The following CUL2 variants were observed in gnomAD, a reference collection of about 807,000 sequenced individuals.
CUL2 encodes the protein cullin-2.
CUL2 carries 22 observed loss-of-function variants against 110.2 expected under a neutral mutation model. The ratio of observed to expected loss-of-function variants is 0.20; its 90% CI spans 0.14 to 0.28. CUL2 has a LOEUF of 0.28. Ranked by LOEUF, CUL2 falls within the 10% of genes least tolerant of loss-of-function variation. CUL2 has a pLI of 1.00. For missense variants in CUL2, 631 were observed against 905.5 expected (o/e 0.70, Z 3.89); for synonymous variants, 279 against 293.2 (o/e 0.95, Z 0.49).
chr10:35,090,755 A>G (rs546472439), upstream of CUL2: 12 of 152,420 alleles, frequency 7.9e-5, no homozygotes, highest in Admixed American at 6.5e-4. Flanking sequence ...CAATGAGGCA[A>G]TTGCGGTTCG....
At chr10:35,115,147 A>G (rs2087578282) in intron 1 of CUL2, among the ~76,000 whole-genome samples, 1 of 149,512 alleles carries the variant, frequency 6.7e-6, no homozygotes, top group Non-Finnish European at 1.5e-5. Flanking sequence ...AGGAGGCAGG[A>G]GATTCTCTTG....
At chr10:35,122,323 GA>G (rs1361564692) in intron 1 of CUL2, among the ~76,000 whole-genome samples, 2 of 152,176 alleles carry the variant, frequency 1.3e-5, no homozygotes, top group African/African-American at 2.4e-5. Context: ...CTAGTAGAAA[GA>G]GTACAGGGTT....
intron 1 of CUL2, among the ~76,000 whole-genome samples, chr10:35,077,303 A>C (rs2086843400): frequency 6.7e-6 from 1 of 148,970 alleles, no homozygotes; most frequent in South Asian, 2.1e-4. Context: ...CAAAAAAAAA[A>C]ACAAAAAACA....
chr10:35,041,475 C>G (rs1330618526), intron 8 of CUL2, among the ~76,000 whole-genome samples: 1 of 152,178 alleles, frequency 6.6e-6, no homozygotes, highest in Non-Finnish European at 1.5e-5. Context: ...AAATGGAGAG[C>G]AAAGCCCAGG....
chr10:35,099,753 A>C (rs913134165), intron 2 of CUL2, among the ~76,000 whole-genome samples: 4 of 152,152 alleles, frequency 2.6e-5, no homozygotes, highest in Non-Finnish European at 5.9e-5. Context: ...CCCAAAATAA[A>C]ATAAAAAAAT....
At chr10:35,024,673 A>C (rs181505132) in intron 17 of CUL2, among the ~76,000 whole-genome samples, 75 of 152,356 alleles carry the variant, frequency 4.9e-4, no homozygotes, top group African/African-American at 1.8e-3. Context: ...ATTGGAAACT[A>C]TTGAAAATTA....
At chr10:35,060,737 A>T (rs1194039967) in intron 4 of CUL2, 137 bp downstream of exon 4, 2 of 673,984 alleles carry the variant, frequency 3.0e-6, no homozygotes, top group African/African-American at 3.7e-5. Context: ...TCCCCACAGC[A>T]GAGAAAAGTC....
chr10:35,031,672 C>T lies in CUL2; in HGVS notation c.1171-53G>A, dbSNP rs1052938917. 1.0e-5 allele frequency: 16 copies of T among 1,594,414 alleles called. No individual in the cohort carries two copies. The highest frequency in any genetic ancestry group is 4.5e-5 in the East Asian group (2 of 44,630). ...ACAAAGGGTGCTTCTGTATATATCA[C>T]GCCTCAAAGGAGGCAAAGTGGTGAT... On this transcript the variant is annotated intron_variant, in intron 12 of 20. Transcript: ENST00000374749. This position sits in a 1 kb window ranked among gnomAD's most constrained non-coding sequence, Gnocchi z 4.4.
intron 10 of CUL2, among the ~76,000 whole-genome samples, chr10:35,033,754 A>G (rs2085539443): frequency 2.1e-5 from 1 of 47,178 alleles, no homozygotes; most frequent in African/African-American, 7.5e-5. Flanking sequence ...CAACAACAAC[A>G]ACAAAAAAAA....
In CUL2 at chr10:35,010,424, C is replaced by A. The variant is rs959373159; in HGVS notation, c.2125G>T (p.Ala709Ser). ...ATGCTGATACTGGGATTAAACCTAGCTCTTGACTGGCTAATCACCTGTGGA... is the reference window on the plus strand; with the variant it reads ...ATGCTGATACTGGGATTAAACCTAGATCTTGACTGGCTAATCACCTGTGGA... Reference protein sequence around the residue: ...LIQEVISQSRARFNPSISMIK... With the variant: ...LIQEVISQSRSRFNPSISMIK... Residue 709 changes from alanine to serine, a missense_variant, in exon 21 of 21, where the codon GCT becomes TCT. Around this residue, in one of 3 missense-constraint regions of CUL2, gnomAD observed 159 missense variants for 202.7 expected, o/e 0.78. Transcript: ENST00000374749. 1.2e-6 allele frequency: 2 copies of A among 1,609,806 alleles called. No homozygotes were observed. The highest frequency in any genetic ancestry group is 2.7e-5 in the African/African-American group (2 of 74,600).
chr10:35,067,688 G>A (rs1189996387), intron 2 of CUL2, among the ~76,000 whole-genome samples: 1 of 150,738 alleles, frequency 6.6e-6, no homozygotes, highest in Non-Finnish European at 1.5e-5. Context: ...AGGCTGCAGT[G>A]AGCCAAGATC....
intron 4 of CUL2, among the ~76,000 whole-genome samples, chr10:35,056,042 G>A (rs1370351786): frequency 4.6e-5 from 7 of 152,126 alleles, no homozygotes; most frequent in Admixed American, 3.9e-4. Flanking sequence ...ACTATTTAAC[G>A]CACAACTGTT....
chr10:35,058,664 G>A (rs912242251), intron 4 of CUL2, among the ~76,000 whole-genome samples: 1 of 152,104 alleles, frequency 6.6e-6, no homozygotes, highest in Non-Finnish European at 1.5e-5. Flanking sequence ...TTGCTTCAAA[G>A]GTTTATCTTA....
At chr10:35,024,270 A>G (rs1335064124) in intron 17 of CUL2, among the ~76,000 whole-genome samples, 1 of 152,198 alleles carries the variant, frequency 6.6e-6, no homozygotes, top group African/African-American at 2.4e-5. Context: ...TGCAAAATGT[A>G]TTACTAATAC....
intron 1 of CUL2, among the ~76,000 whole-genome samples, chr10:35,113,035 T>C (rs780269355): frequency 3.4e-4 from 52 of 151,082 alleles, no homozygotes; most frequent in Non-Finnish European, 7.2e-4. Context: ...CTACTAAAAA[T>C]ACAAAAATTG....
intron 17 of CUL2, among the ~76,000 whole-genome samples, chr10:35,023,804 A>T (rs2085264490): frequency 6.6e-6 from 1 of 152,078 alleles, no homozygotes; most frequent in Non-Finnish European, 1.5e-5. Context: ...TTTTTCTTAA[A>T]ATCAATTATG....
At chr10:35,057,469 G>A (rs1387526245) in intron 4 of CUL2, among the ~76,000 whole-genome samples, 1 of 151,790 alleles carries the variant, frequency 6.6e-6, no homozygotes, top group Non-Finnish European at 1.5e-5. Flanking sequence ...TGGCCAACAT[G>A]GTGAAACCCC....
At chr10:35,044,500 C>A in intron 8 of CUL2, 66 bp downstream of exon 8, 2 of 948,904 alleles carry the variant, frequency 2.1e-6, no homozygotes, top group Non-Finnish European at 3.1e-6. Flanking sequence ...AAACTAAGAA[C>A]GATGTTAAAT....
At chr10:35,044,051 CAAAAAAAAAAAAAAAA>C (rs534515519) in intron 8 of CUL2, among the ~76,000 whole-genome samples, 3 of 87,796 alleles carry the variant, frequency 3.4e-5, no homozygotes, top group Non-Finnish European at 6.6e-5. Context: ...ACCACATCTC[CAAAAAAAAAAAAAAAA>C]AAAAAAAACA....
Sources: allele counts gnomAD v4.1 joint callset (sites outside exome capture counted in the v4.1 genomes callset), GRCh38; gene constraint gnomAD v4.1.1; regional missense constraint gnomAD v4.1.1; non-coding constraint Gnocchi (gnomAD v3.1); transcripts MANE v1.5; gene names NCBI Gene and HGNC (gene_info 2026-07-23, HGNC 2026-07-21).